The following SPMAP2L variants were observed in gnomAD, a reference collection of about 807,000 sequenced individuals.
The protein encoded by SPMAP2L is sperm microtubule associated protein 2 like.
the SPMAP2L span, among the ~76,000 whole-genome samples, chr4:56,609,701 C>T: frequency 1.6e-4 from 25 of 152,236 alleles, 1 homozygote; most frequent in East Asian, 4.1e-3. Flanking sequence ...CTCTCATCAG[C>T]GGGATTAGTG....
At chr4:56,585,132 G>GC in the SPMAP2L span, among the ~76,000 whole-genome samples, 1 of 152,102 alleles carries the variant, frequency 6.6e-6, no homozygotes, top group Non-Finnish European at 1.5e-5. Flanking sequence ...AATGTTGAAG[G>GC]CCCCACTCTT....
the SPMAP2L span, among the ~76,000 whole-genome samples, chr4:56,580,128 G>T: frequency 6.6e-6 from 1 of 152,040 alleles, no homozygotes; most frequent in Non-Finnish European, 1.5e-5. Flanking sequence ...TAAGAAAACT[G>T]CAGACCAATA....
the SPMAP2L span, among the ~76,000 whole-genome samples, chr4:56,609,931 A>G: frequency 1.1e-4 from 16 of 152,348 alleles, no homozygotes; most frequent in African/African-American, 2.9e-4. Flanking sequence ...GAGCAACCTG[A>G]ATAGGCTGAG....
the SPMAP2L span, among the ~76,000 whole-genome samples, chr4:56,602,493 G>A: frequency 6.6e-6 from 1 of 152,134 alleles, no homozygotes; most frequent in African/African-American, 2.4e-5. Context: ...AGGAGTTTGA[G>A]ACCAGACTGG....
the SPMAP2L span, among the ~76,000 whole-genome samples, chr4:56,549,485 G>T: frequency 6.6e-6 from 1 of 151,948 alleles, no homozygotes; most frequent in Non-Finnish European, 1.5e-5. Context: ...TTTCAAGAAA[G>T]TACCCTTTAT....
chr4:56,531,176 G>A, the SPMAP2L span: 11 of 1,521,454 alleles, frequency 7.2e-6, no homozygotes, highest in Non-Finnish European at 9.7e-6. Context: ...GGTGGTAGGT[G>A]TTCCCCTTCC....
the SPMAP2L span, among the ~76,000 whole-genome samples, chr4:56,548,488 A>C: frequency 6.6e-6 from 1 of 152,160 alleles, no homozygotes; most frequent in Non-Finnish European, 1.5e-5. Flanking sequence ...TTGACACAGA[A>C]ATTTTAAGTA....
the SPMAP2L span, among the ~76,000 whole-genome samples, chr4:56,599,189 T>C: frequency 6.6e-6 from 1 of 151,916 alleles, no homozygotes; most frequent in Non-Finnish European, 1.5e-5. Flanking sequence ...ATGTAATAAT[T>C]ATTATTATTT....
the SPMAP2L span, among the ~76,000 whole-genome samples, chr4:56,619,357 T>C: frequency 1.3e-5 from 2 of 152,236 alleles, no homozygotes; most frequent in Non-Finnish European, 2.9e-5. Context: ...CATCTGGCTT[T>C]ACTGAAACTT....
the SPMAP2L span, chr4:56,603,094 T>C: frequency 1.7e-6 from 1 of 596,688 alleles, no homozygotes. Context: ...GTGGAGGTCA[T>C]GAAAATAAAA....
the SPMAP2L span, among the ~76,000 whole-genome samples, chr4:56,561,291 T>C: frequency 3.9e-5 from 6 of 152,230 alleles, no homozygotes; most frequent in Non-Finnish European, 7.3e-5. Flanking sequence ...CATTTTATCA[T>C]TATGTTTGGT....
chr4:56,549,171 T>C, the SPMAP2L span, among the ~76,000 whole-genome samples: 1,200 of 152,108 alleles, frequency 7.9e-3, 16 homozygotes, highest in African/African-American at 0.027. Context: ...GTATTTTTAG[T>C]AGAGATGGGG....
chr4:56,537,948 C>T, the SPMAP2L span, among the ~76,000 whole-genome samples: 1 of 150,978 alleles, frequency 6.6e-6, no homozygotes, highest in Admixed American at 6.6e-5. Flanking sequence ...CCGCCTCGGC[C>T]CCCCAAAGTG....
At chr4:56,591,458 C>T in the SPMAP2L span, among the ~76,000 whole-genome samples, 1 of 152,142 alleles carries the variant, frequency 6.6e-6, no homozygotes, top group Non-Finnish European at 1.5e-5. Context: ...GTGTTAGTAT[C>T]ATCATCATAA....
At chr4:56,579,119 C>T in the SPMAP2L span, among the ~76,000 whole-genome samples, 11 of 151,990 alleles carry the variant, frequency 7.2e-5, no homozygotes, top group Admixed American at 7.2e-4. Flanking sequence ...ATATCTAACA[C>T]ATGTCTATGA....
At chr4:56,593,601 G>A in the SPMAP2L span, 6 of 1,604,484 alleles carry the variant, frequency 3.7e-6, no homozygotes, top group Non-Finnish European at 2.6e-6. Context: ...ATCGCCTTGG[G>A]CAGCTCCCAG....
the SPMAP2L span, among the ~76,000 whole-genome samples, chr4:56,564,499 T>TA: frequency 9.9e-5 from 15 of 152,164 alleles, no homozygotes; most frequent in Non-Finnish European, 2.1e-4. Flanking sequence ...TATATTTTCT[T>TA]ACGTTTGATA....
At chr4:56,576,220 A>G in the SPMAP2L span, among the ~76,000 whole-genome samples, 1,896 of 152,298 alleles carry the variant, frequency 0.012, 51 homozygotes, top group African/African-American at 0.043. Flanking sequence ...AAATGATAAT[A>G]AACTTGAGAC....
At chr4:56,608,707 C>T in the SPMAP2L span, among the ~76,000 whole-genome samples, 2 of 152,142 alleles carry the variant, frequency 1.3e-5, no homozygotes, top group East Asian at 3.9e-4. Context: ...TCTAATGGAG[C>T]CATGAGAATA....
Sources: allele counts gnomAD v4.1 joint callset (sites outside exome capture counted in the v4.1 genomes callset), GRCh38; gene constraint gnomAD v4.1.1; transcripts MANE v1.5; gene names NCBI Gene and HGNC (gene_info 2026-07-23, HGNC 2026-07-21).